FGD5: variants seen among roughly 807,000 people sequenced by gnomAD.
FGD5 encodes FYVE, RhoGEF and PH domain containing 5, also known as FYVE, RhoGEF and PH domain-containing protein 5.
A neutral mutation model predicts 133.4 loss-of-function variants in FGD5; 28 were observed. The observed-to-expected ratio is 0.21, with a 90% CI of 0.16 to 0.29. The LOEUF (loss-of-function observed/expected upper bound fraction) is 0.29. FGD5 is among the 10% of genes least tolerant of loss of function. The pLI is 1.00. For synonymous variants in FGD5, 810 were observed against 776.5 expected (o/e 1.04, Z -0.72); for missense variants, 1,858 against 1,895.2 (o/e 0.98, Z 0.36).
chr3:14,882,436 G>T, intron 4 of FGD5: 7 of 793,298 alleles, frequency 8.8e-6, no homozygotes, highest in Non-Finnish European at 1.1e-5. Context: ...GATGGCTCAT[G>T]CCTGTAATCT....
chr3:14,812,024 G>GTGTGTGTA, intron 1 of FGD5, among the ~76,000 whole-genome samples: 2 of 96,224 alleles, frequency 2.1e-5, no homozygotes, highest in South Asian at 8.0e-4. Flanking sequence ...GTGTGTGTGT[G>GTGTGTGTA]TGTGTGTATG....
At chr3:14,847,631 C>T (rs1468356674) in intron 1 of FGD5, among the ~76,000 whole-genome samples, 2 of 152,186 alleles carry the variant, frequency 1.3e-5, no homozygotes, top group Admixed American at 6.5e-5. Flanking sequence ...TGTTACTATC[C>T]CTGCTTTACT....
intron 1 of FGD5, among the ~76,000 whole-genome samples, chr3:14,861,136 G>C (rs2037390243): frequency 6.6e-6 from 1 of 152,174 alleles, no homozygotes; most frequent in Non-Finnish European, 1.5e-5. Context: ...ACAGCTGGAG[G>C]CAGCAACGGC....
chr3:14,934,094 C>G lies in FGD5; in HGVS notation c.*927C>G, dbSNP rs1452896204. The G allele has an allele frequency of 6.6e-6, 1 of 152,238 alleles. No homozygotes were observed. Among genetic ancestry groups the G allele is most frequent in the Non-Finnish European group, 1.5e-5 (1 of 68,052 alleles). 9.4% of individuals were successfully genotyped at this position (152,238 alleles called of 1,614,324 possible). A position where few individuals can be genotyped will look rare whatever the true frequency, so the allele number is the denominator to read the frequency against. On this transcript the variant is annotated 3_prime_UTR_variant, in exon 20 of 20. Transcript: ENST00000285046. ...TATGGGAATCTATCCTTCTTTTAGACACACGGTAATCCTTGGGCTGTATTA... is the reference window on the plus strand; with the variant it reads ...TATGGGAATCTATCCTTCTTTTAGAGACACGGTAATCCTTGGGCTGTATTA...
chr3:14,852,952 T>G (rs1260985233), intron 1 of FGD5, among the ~76,000 whole-genome samples: 1 of 152,156 alleles, frequency 6.6e-6, no homozygotes. Flanking sequence ...TCTGGGTGTT[T>G]TGTGCTTTGA....
intron 4 of FGD5, among the ~76,000 whole-genome samples, chr3:14,883,210 C>T (rs188568211): frequency 2.6e-5 from 4 of 152,270 alleles, no homozygotes; most frequent in Admixed American, 2.0e-4. Context: ...ATGGAGTTTA[C>T]ATTTTTAAAC....
intron 4 of FGD5, among the ~76,000 whole-genome samples, chr3:14,884,578 C>T (rs1195369380): frequency 6.6e-6 from 1 of 152,242 alleles, no homozygotes; most frequent in Non-Finnish European, 1.5e-5. Context: ...CTTCAAACTA[C>T]TGGTGCCCCA....
intron 8 of FGD5, 21 bp from the exon 9 acceptor site, chr3:14,900,982 C>T (rs781047771): frequency 3.1e-6 from 5 of 1,614,018 alleles, no homozygotes; most frequent in Non-Finnish European, 4.2e-6. Flanking sequence ...GGCCCAACTC[C>T]TGCTCTGTGT....
upstream of FGD5, among the ~76,000 whole-genome samples, chr3:14,815,997 GCGCC>G (rs1380614219): frequency 2.0e-5 from 3 of 152,208 alleles, no homozygotes; most frequent in African/African-American, 7.2e-5. Context: ...GAAGCACTCT[GCGCC>G]TGGGGCTGGG....
chr3:14,883,341 C>T (rs1367960545), intron 4 of FGD5, among the ~76,000 whole-genome samples: 1 of 152,334 alleles, frequency 6.6e-6, no homozygotes, highest in South Asian at 2.1e-4. Flanking sequence ...TTAACGGCTG[C>T]CTTCCATCCT....
intron 2 of FGD5, among the ~76,000 whole-genome samples, chr3:14,878,774 G>A (rs1426635654): frequency 6.9e-6 from 1 of 145,326 alleles, no homozygotes; most frequent in Non-Finnish European, 1.5e-5. Context: ...CGCCCAGGCT[G>A]GAGTGCAATG....
At chr3:14,832,749 G>C (rs2036740893) in intron 1 of FGD5, among the ~76,000 whole-genome samples, 1 of 152,004 alleles carries the variant, frequency 6.6e-6, no homozygotes, top group Non-Finnish European at 1.5e-5. Flanking sequence ...GTCAAATAAG[G>C]GTACACAGTA....
intron 1 of FGD5, among the ~76,000 whole-genome samples, chr3:14,863,221 G>T (rs1214927142): frequency 6.6e-6 from 1 of 152,206 alleles, no homozygotes; most frequent in African/African-American, 2.4e-5. Context: ...AGGAAGAAAG[G>T]TTTGTGAGTT....
chr3:14,910,852 T>C lies in FGD5; in HGVS notation c.3337-9T>C. 6.2e-7 allele frequency: 1 copy of C among 1,612,496 alleles called. No individual in the cohort carries two copies. Among genetic ancestry groups the C allele is most frequent in the South Asian group, 1.1e-5 (1 of 90,614 alleles). ...GCCTGACCGCCAAGTTCTGCTTCTCTCCCCACAGGAGTTTCTGAAGGAAGG... is the reference window on the plus strand; with the variant it reads ...GCCTGACCGCCAAGTTCTGCTTCTCCCCCCACAGGAGTTTCTGAAGGAAGG... On this transcript the variant is annotated splice_polypyrimidine_tract_variant and intron_variant, in intron 10 of 19. Coordinates refer to ENST00000285046, the MANE Select transcript of FGD5 (RefSeq NM_152536.4).
intron 1 of FGD5, among the ~76,000 whole-genome samples, chr3:14,844,212 AAAAAAATATATATATATAT>A (rs2036985929): frequency 9.3e-5 from 3 of 32,150 alleles, no homozygotes; most frequent in African/African-American, 1.3e-4. Context: ...ATTAAAAAAA[AAAAAAATATATATATATAT>A]ATATATATAT....
chr3:14,924,232 G>A, intron 17 of FGD5, 94 bp downstream of exon 17: 1 of 1,578,696 alleles, frequency 6.3e-7, no homozygotes. Flanking sequence ...CCCTGTCCCA[G>A]CCTGACCAGT....
intron 4 of FGD5, among the ~76,000 whole-genome samples, chr3:14,888,654 C>A (rs2037968541): frequency 6.6e-6 from 1 of 152,152 alleles, no homozygotes; most frequent in Admixed American, 6.5e-5. Flanking sequence ...AGGCTCTGAC[C>A]CCAAATTTCT....
intron 1 of FGD5, among the ~76,000 whole-genome samples, chr3:14,856,500 C>T (rs530845458): frequency 6.6e-6 from 1 of 152,278 alleles, no homozygotes; most frequent in South Asian, 2.1e-4. Context: ...TCTTCTGATC[C>T]ATGAGCATGG....
chr3:14,833,438 A>T lies in FGD5; in HGVS notation c.2525+11842A>T, dbSNP rs183071180. On this transcript the variant is annotated intron_variant, in intron 1 of 19. Transcript: ENST00000285046. ...ACATTAAACGATTCTATCTTACAGA[A>T]TCTGCTCAGGAACCTCCTCTGATAC... Among the ~76,000 whole-genome samples the T allele has an allele frequency of 1.0e-3, 159 of 152,314 alleles. 2 individuals are homozygous for T. Among genetic ancestry groups the T allele is most frequent in the Non-Finnish European group, 1.9e-3 (127 of 68,036 alleles).
Sources: allele counts gnomAD v4.1 joint callset (sites outside exome capture counted in the v4.1 genomes callset), GRCh38; gene constraint gnomAD v4.1.1; transcripts MANE v1.5; gene names NCBI Gene and HGNC (gene_info 2026-07-23, HGNC 2026-07-21).